IPO8: variants seen among roughly 807,000 people sequenced by gnomAD.
IPO8 encodes the protein importin-8.
Under a neutral mutation model 141.2 loss-of-function variants are expected in IPO8, and 65 were observed. The observed-to-expected ratio is 0.46, with a 90% CI of 0.38 to 0.57. The LOEUF (loss-of-function observed/expected upper bound fraction) is 0.57. Ranked by LOEUF, IPO8 falls within the 20% of genes least tolerant of loss-of-function variation. The pLI, the probability that IPO8 is intolerant of heterozygous loss-of-function variation, is 0.00. For missense variants in IPO8, 980 were observed against 1,246.8 expected (o/e 0.79, Z 3.22); for synonymous variants, 411 against 420.3 (o/e 0.98, Z 0.27).
chr12:30,639,536 T>C lies in IPO8; in HGVS notation c.2468A>G (p.Asn823Ser). 1 of 1,611,906 alleles carries C rather than the reference T, an allele frequency of 6.2e-7. No individual in the cohort carries two copies. Among genetic ancestry groups the C allele is most frequent in the Admixed American group, 1.7e-5 (1 of 60,016 alleles). ...ITVQFINQWMNDTDCFLGHHD... is the reference protein window; with the variant it reads ...ITVQFINQWMSDTDCFLGHHD... ...ATACCCAAGAAAACAATCTGTATCA[T>C]TCATCCATTGATTTATAAACTGTAC... The change falls in exon 21 of 25, where the codon AAT becomes AGT. Residue 823 changes from asparagine (N) to serine (S), a missense_variant. Physicochemically the swap from Asn to Ser is conservative, Grantham distance 46. Transcript: ENST00000256079.
chr12:30,639,493 G>A, intron 21 of IPO8, 22 bp downstream of exon 21: 12 of 1,522,374 alleles, frequency 7.9e-6, no homozygotes, highest in Non-Finnish European at 1.1e-5. Context: ...GAAAAGCAGT[G>A]TAAAATCCAA....
chr12:30,685,000 A>G (rs1456356063), intron 2 of IPO8, among the ~76,000 whole-genome samples: 1 of 152,224 alleles, frequency 6.6e-6, no homozygotes, highest in Admixed American at 6.5e-5. Context: ...GAAAATTTTT[A>G]TATGTTCACA....
intron 23 of IPO8, among the ~76,000 whole-genome samples, chr12:30,632,222 G>A (rs1280220412): frequency 2.0e-5 from 3 of 152,168 alleles, no homozygotes; most frequent in African/African-American, 7.2e-5. Flanking sequence ...GAAATCAAAG[G>A]AAGGTTAGGA....
Position 30,631,818 on chromosome 12 carries a change from C to T in IPO8, c.3016+77G>A. The T allele has an allele frequency of 1.2e-5, 10 of 852,942 alleles. No individual in the cohort carries two copies. In the South Asian group the frequency reaches 1.4e-4, roughly 12 times the overall value. The allele number at this position is 852,942 out of a possible 1,614,324, so 52.8% of individuals were successfully genotyped here. A position where few individuals can be genotyped will look rare whatever the true frequency, so the allele number is the denominator to read the frequency against. On this transcript the variant is annotated intron_variant, in intron 24 of 24. Coordinates refer to ENST00000256079, the MANE Select transcript of IPO8 (RefSeq NM_006390.4). ...CAATTTCAAAAACAGTGTTTAGGTG[C>T]CACCTGGCTCATCAAATAAGGCTGT...
At position 30,630,958 on chromosome 12, in the gene IPO8, C is replaced by G. The variant is rs2052423704; in HGVS notation, c.3017-1G>C. 3 of 1,609,940 alleles carry G rather than the reference C, an allele frequency of 1.9e-6. No homozygotes were observed. The East Asian group carries it at 6.7e-5, about 36-fold the overall frequency. On this transcript the variant is annotated splice_acceptor_variant, in intron 24 of 24. Coordinates refer to ENST00000256079, the MANE Select transcript of IPO8 (RefSeq NM_006390.4). LOFTEE classifies it high-confidence loss of function. ...TGTTGTTCAATCTTCTTCTTTGCCTCTAGCATTTTTCAAAAGAAAAGGGGA... is the reference window on the plus strand; with the variant it reads ...TGTTGTTCAATCTTCTTCTTTGCCTGTAGCATTTTTCAAAAGAAAAGGGGA...
intron 21 of IPO8, among the ~76,000 whole-genome samples, chr12:30,638,576 A>C (rs11051006): frequency 0.071 from 10,869 of 152,262 alleles, 1,157 homozygotes; most frequent in African/African-American, 0.23. Flanking sequence ...GTTTTAAAAC[A>C]AATTAGACAG....
rs1012917034 is a variant in IPO8 at position 30,644,443 on chromosome 12, G to T, written c.2268+4694C>A. On this transcript the variant is annotated intron_variant, in intron 20 of 24. Coordinates refer to ENST00000256079, the MANE Select transcript of IPO8 (RefSeq NM_006390.4). ...TTTTTAGAAAGGTCATAATTTTTTT[G>T]TCACTAATACCCCAATAAAGCTTGG... 1.9e-3 allele frequency among the ~76,000 whole-genome samples: 248 copies of T among 131,426 alleles called. 1 individual carries two copies. The highest frequency in any genetic ancestry group is 2.4e-3 in the Non-Finnish European group (146 of 61,318). 86.2% of individuals were successfully genotyped at this position (131,426 alleles called of 152,430 possible).
chr12:30,688,351 G>A (rs12809355), intron 2 of IPO8: 5 of 390,672 alleles, frequency 1.3e-5, no homozygotes, highest in South Asian at 5.6e-5. Flanking sequence ...GGTAAGAAAG[G>A]ACATTCACCA....
chr12:30,665,884 T>C (rs1389294556), intron 11 of IPO8, 39 bp from the exon 12 acceptor site: 2 of 1,332,298 alleles, frequency 1.5e-6, no homozygotes, highest in Non-Finnish European at 1.1e-6. Context: ...TACATGAACT[T>C]TCATTGTCTT....
chr12:30,636,387 T>C (rs1257819467), intron 22 of IPO8, among the ~76,000 whole-genome samples: 1 of 152,116 alleles, frequency 6.6e-6, no homozygotes, highest in Non-Finnish European at 1.5e-5. Context: ...ATCTCATCAT[T>C]AAACAAAACA....
intron 22 of IPO8, among the ~76,000 whole-genome samples, chr12:30,634,849 T>A (rs1230917462): frequency 6.6e-6 from 1 of 152,082 alleles, no homozygotes; most frequent in Non-Finnish European, 1.5e-5. Context: ...TTTAAATCAA[T>A]ACGTAGAACA....
chr12:30,672,717 G>A (rs1445385025), intron 8 of IPO8, among the ~76,000 whole-genome samples: 3 of 152,146 alleles, frequency 2.0e-5, no homozygotes, highest in Non-Finnish European at 4.4e-5. Context: ...GAAGACAGAT[G>A]ACCAGCTTCC....
At chr12:30,638,677 A>G (rs1401372220) in intron 21 of IPO8, among the ~76,000 whole-genome samples, 1 of 151,210 alleles carries the variant, frequency 6.6e-6, no homozygotes, top group African/African-American at 2.4e-5. Context: ...CACTCTTCCT[A>G]TTTTTTTGAG....
At position 30,640,182 on chromosome 12, in the gene IPO8, T is replaced by C. The variant is rs1309292110; in HGVS notation, c.2269-447A>G. Among the ~76,000 whole-genome samples, 3 of 152,008 alleles carry C rather than the reference T, an allele frequency of 2.0e-5. No homozygotes were observed. The East Asian group carries it at 5.8e-4, about 29-fold the overall frequency. On this transcript the variant is annotated intron_variant, in intron 20 of 24. Transcript: ENST00000256079. The stretch of plus-strand genomic sequence containing the variant: ...AAAGAAAATTCCTGTTAATATAAGA[T>C]GAAAAAGGCTAAAGAAAAAATGGTG...
Position 30,646,402 on chromosome 12 carries a change from G to C in IPO8, c.2268+2735C>G, listed in dbSNP as rs576775220. Among the ~76,000 whole-genome samples, 50 of 152,252 alleles carry C rather than the reference G, an allele frequency of 3.3e-4. 1 individual carries two copies. In the South Asian group the frequency reaches 0.01, roughly 32 times the overall value. ...CCCACAGGTAACATCAGACTTAATGGTGAAAGACTGAATGTGTTCCCTCCT... is the reference window on the plus strand; with the variant it reads ...CCCACAGGTAACATCAGACTTAATGCTGAAAGACTGAATGTGTTCCCTCCT... On this transcript the variant is annotated intron_variant, in intron 20 of 24. Coordinates refer to ENST00000256079, the MANE Select transcript of IPO8 (RefSeq NM_006390.4).
At chr12:30,676,962 T>C in intron 5 of IPO8, 5 of 1,532,654 alleles carry the variant, frequency 3.3e-6, no homozygotes, top group South Asian at 1.2e-5. Context: ...TAAACACTCA[T>C]GAAACATTTT....
At position 30,639,571 on chromosome 12, in the gene IPO8, T is replaced by A. The variant is rs766167102; in HGVS notation, c.2433A>T (p.Gly811=). 7 of 1,613,964 alleles carry A rather than the reference T, an allele frequency of 4.3e-6. No homozygotes were observed. Among genetic ancestry groups the A allele is most frequent in the Non-Finnish European group, 5.9e-6 (7 of 1,179,954 alleles). The change falls in exon 21 of 25, where the codon GGA becomes GGT. Residue 811 remains glycine, a synonymous_variant. Coordinates refer to ENST00000256079, the MANE Select transcript of IPO8 (RefSeq NM_006390.4). ...GATTTATAAACTGTACAGTGATAGGTCCAGGGTTGTGAGGCAACTGAATTC... is the reference window on the plus strand; with the variant it reads ...GATTTATAAACTGTACAGTGATAGGACCAGGGTTGTGAGGCAACTGAATTC... The part of the protein sequence containing the change: ...LERIQLPHNP[G]PITVQFINQW...
chr12:30,656,306 G>A (rs2052799478), intron 17 of IPO8, among the ~76,000 whole-genome samples: 1 of 152,136 alleles, frequency 6.6e-6, no homozygotes, highest in Non-Finnish European at 1.5e-5. Flanking sequence ...CCAAACTACT[G>A]AGATTACAGG....
Position 30,661,327 on chromosome 12 carries a change from A to G in IPO8, c.1756-61T>C, listed in dbSNP as rs1211368966. On this transcript the variant is annotated intron_variant, in intron 15 of 24. Transcript: ENST00000256079. ...AGTACTGTTACGTCCCCGCTTTACA[A>G]AAGTTAGCAAAATGGCAGTGTCACA... 2.8e-6 allele frequency: 4 copies of G among 1,428,166 alleles called. No individual in the cohort carries two copies. The African/African-American group carries it at 4.4e-5, about 16-fold the overall frequency. 88.5% of individuals were successfully genotyped at this position (1,428,166 alleles called of 1,614,324 possible). A position where few individuals can be genotyped will look rare whatever the true frequency, so the allele number is the denominator to read the frequency against.
Sources: allele counts gnomAD v4.1 joint callset (sites outside exome capture counted in the v4.1 genomes callset), GRCh38; gene constraint gnomAD v4.1.1; transcripts MANE v1.5; gene names NCBI Gene and HGNC (gene_info 2026-07-23, HGNC 2026-07-21).